SNX7: variants seen among roughly 807,000 people sequenced by gnomAD.
SNX7 encodes the protein sorting nexin-7.
SNX7 carries 35 observed loss-of-function variants against 48.4 expected under a neutral mutation model. The observed-to-expected ratio is 0.72, with a 90% confidence interval of 0.55 to 0.96. The LOEUF (loss-of-function observed/expected upper bound fraction) is 0.96, where lower values mean the gene tolerates loss of function less well. Ranked by LOEUF, SNX7 falls within the 40% of genes least tolerant of loss-of-function variation. SNX7 has a pLI of 0.00. For synonymous variants in SNX7, 190 were observed against 190.2 expected (o/e 1.00, Z 0.01); for missense variants, 553 against 548.9 (o/e 1.01, Z -0.07).
chr1:98,722,206 T>C (rs1333415642), intron 7 of SNX7, among the ~76,000 whole-genome samples: 1 of 152,160 alleles, frequency 6.6e-6, no homozygotes, highest in Non-Finnish European at 1.5e-5. Flanking sequence ...CTGAACAAGT[T>C]ACGTTTGGAT....
intron 7 of SNX7, among the ~76,000 whole-genome samples, chr1:98,731,107 G>A (rs907528711): frequency 8.4e-6 from 1 of 119,246 alleles, no homozygotes; most frequent in Admixed American, 8.6e-5. Flanking sequence ...TCCCCTCTCA[G>A]GAAAAATAGT....
At chr1:98,695,462 G>A (rs1004788358) in intron 4 of SNX7, 56 bp from the exon 5 acceptor site, 2 of 1,492,504 alleles carry the variant, frequency 1.3e-6, no homozygotes, top group East Asian at 2.3e-5. Context: ...TTTTTGTATT[G>A]AGTCTCGGAA....
intron 8 of SNX7, among the ~76,000 whole-genome samples, chr1:98,757,853 AT>A (rs1654928819): frequency 6.6e-6 from 1 of 152,012 alleles, no homozygotes; most frequent in Admixed American, 6.6e-5. Flanking sequence ...ACTTCCTCAC[AT>A]TGACCTTTCA....
intron 8 of SNX7, among the ~76,000 whole-genome samples, chr1:98,759,086 G>T (rs1332093765): frequency 6.6e-6 from 1 of 151,924 alleles, no homozygotes; most frequent in Admixed American, 6.6e-5. Context: ...ACACTTTAAA[G>T]CTGTGAAAGC....
rs570041279 is a variant in SNX7 at position 98,675,525 on chromosome 1, A to G, written c.181-9360A>G. ...AATTCATGCAGATTTTTCCCACTCC[A>G]CAAAAGGATGCATTTCAAGCGGAAG... On this transcript the variant is annotated intron_variant, in intron 1 of 8. Transcript: ENST00000306121. Among the ~76,000 whole-genome samples, 3 of 152,292 alleles carry G rather than the reference A, an allele frequency of 2.0e-5. No homozygotes were observed. In the East Asian group the frequency reaches 5.8e-4, roughly 29 times the overall value.
Position 98,695,612 on chromosome 1 carries a change from A to G in SNX7, c.734A>G (p.Asn245Ser). ...GCGTCCTCAATGAGAGGAGTTAAAA[A>G]CCGCCCAGAGGAGTTCATGGAAATG... ...AVASSMRGVK[N>S]RPEEFMEMNN... Residue 245 changes from asparagine (N) to serine (S), a missense_variant, in exon 5 of 9, where the codon AAC becomes AGC. Transcript: ENST00000306121. 1 of 1,614,104 alleles carries G rather than the reference A, an allele frequency of 6.2e-7. No homozygotes were observed. The highest frequency in any genetic ancestry group is 1.7e-5 in the Admixed American group (1 of 60,024).
intron 1 of SNX7, chr1:98,662,557 G>A: frequency 1.3e-6 from 1 of 761,072 alleles, no homozygotes; most frequent in Non-Finnish European, 1.8e-6. Context: ...GGGAAATTTA[G>A]GACCAAAGGC....
chr1:98,728,854 T>C (rs1653336285), intron 7 of SNX7, among the ~76,000 whole-genome samples: 1 of 152,152 alleles, frequency 6.6e-6, no homozygotes, highest in African/African-American at 2.4e-5. Flanking sequence ...TAGGATACTT[T>C]AACTTACCAC....
At chr1:98,666,400 A>G (rs531793733) in intron 1 of SNX7, among the ~76,000 whole-genome samples, 5 of 152,334 alleles carry the variant, frequency 3.3e-5, no homozygotes, top group African/African-American at 1.2e-4. Flanking sequence ...AGAGGTAGCT[A>G]CTGCCGGAAA....
intron 8 of SNX7, among the ~76,000 whole-genome samples, chr1:98,748,637 A>AACACACACACACACAC (rs58973289): frequency 2.8e-4 from 41 of 145,896 alleles, no homozygotes; most frequent in South Asian, 1.1e-3. Context: ...AAATGATTTA[A>AACACACACACACACAC]ACACACACAC....
chr1:98,759,682 A>G (rs1046196552), intron 8 of SNX7, among the ~76,000 whole-genome samples: 3 of 152,032 alleles, frequency 2.0e-5, no homozygotes, highest in African/African-American at 4.8e-5. Context: ...CAAACTCACA[A>G]TTGACGTAAT....
At chr1:98,712,381 A>G (rs987544541) in intron 7 of SNX7, among the ~76,000 whole-genome samples, 1 of 152,198 alleles carries the variant, frequency 6.6e-6, no homozygotes, top group African/African-American at 2.4e-5. Context: ...TCATTGACTC[A>G]TGGACTATGG....
chr1:98,751,857 AAATGG>A (rs954019231), intron 8 of SNX7, among the ~76,000 whole-genome samples: 11 of 152,120 alleles, frequency 7.2e-5, no homozygotes, highest in African/African-American at 2.7e-4. Flanking sequence ...CATCTTATTC[AAATGG>A]AAGTGGAACT....
Position 98,661,827 on chromosome 1 carries a change from G to A in SNX7, c.96G>A (p.Pro32=), listed in dbSNP as rs1278996348. 7.7e-5 allele frequency: 96 copies of A among 1,245,968 alleles called. No homozygotes were observed. Among genetic ancestry groups the A allele is most frequent in the Admixed American group, 1.3e-4 (3 of 23,646 alleles). The allele number at this position is 1,245,968 out of a possible 1,614,324, so 77.2% of individuals were successfully genotyped here. ...GCCCGGGGGGCGGCGCCCCCTTTCC[G>A]GGCAGCAGTGGCTCTTCCGCCCTGC... is the stretch of plus-strand genomic sequence containing the variant. ...GESPGGGAPF[P]GSSGSSALLQ... The change falls in exon 1 of 9, where the codon CCG becomes CCA. Residue 32 remains proline, a synonymous_variant. Transcript: ENST00000306121.
chr1:98,757,991 A>G (rs957316102), intron 8 of SNX7, among the ~76,000 whole-genome samples: 35 of 152,042 alleles, frequency 2.3e-4, no homozygotes, highest in Non-Finnish European at 4.4e-4. Flanking sequence ...TACTCCCATC[A>G]TGTCCTGTAA....
intron 7 of SNX7, among the ~76,000 whole-genome samples, chr1:98,726,805 A>G (rs1020073362): frequency 6.6e-6 from 1 of 152,212 alleles, no homozygotes; most frequent in Non-Finnish European, 1.5e-5. Flanking sequence ...GTGAATCTTA[A>G]GTCCCTGCTA....
chr1:98,714,831 T>C (rs908439203), intron 7 of SNX7, among the ~76,000 whole-genome samples: 4 of 152,200 alleles, frequency 2.6e-5, no homozygotes, highest in African/African-American at 9.6e-5. Flanking sequence ...CCTTGAGTTT[T>C]CTTCTGTTTG....
In SNX7 at chr1:98,701,805, T is replaced by G. The variant is rs201822457; in HGVS notation, c.1039-12T>G. ...AGTACAGCCTATTTTATCTGTGTGT[T>G]TTAATGTAAAGGGTGTTATGAAAAG... On this transcript the variant is annotated splice_polypyrimidine_tract_variant and intron_variant, in intron 6 of 8. Transcript: ENST00000306121. 2 of 1,590,898 alleles carry G rather than the reference T, an allele frequency of 1.3e-6. No individual in the cohort carries two copies. Among genetic ancestry groups the G allele is most frequent in the African/African-American group, 2.7e-5 (2 of 74,188 alleles).
At position 98,755,275 on chromosome 1, in the gene SNX7, T is replaced by C. The variant is rs142688313; in HGVS notation, c.1279-4779T>C. ...GGCATGTGAAAGAAAATATGTATTCTGCTTTTGTCCTGTAGATCTCAGTTA... is the reference window on the plus strand; with the variant it reads ...GGCATGTGAAAGAAAATATGTATTCCGCTTTTGTCCTGTAGATCTCAGTTA... On this transcript the variant is annotated intron_variant, in intron 8 of 8. Coordinates refer to ENST00000306121, the MANE Select transcript of SNX7 (RefSeq NM_015976.5). 2.6e-3 allele frequency among the ~76,000 whole-genome samples: 399 copies of C among 152,256 alleles called. 4 individuals carry two copies. The highest frequency in any genetic ancestry group is 9.2e-3 in the African/African-American group (384 of 41,570).
Sources: allele counts gnomAD v4.1 joint callset (sites outside exome capture counted in the v4.1 genomes callset), GRCh38; gene constraint gnomAD v4.1.1; transcripts MANE v1.5; gene names NCBI Gene and HGNC (gene_info 2026-07-23, HGNC 2026-07-21).